MAD1L1: variants seen among roughly 807,000 people sequenced by gnomAD.
MAD1L1 encodes mitotic arrest deficient 1 like 1, also known as mitotic spindle assembly checkpoint protein MAD1.
MAD1L1 carries 95 observed loss-of-function variants against 96.9 expected under a neutral mutation model. The observed-to-expected ratio is 0.98, with a 90% CI of 0.83 to 1.16. MAD1L1 has a LOEUF of 1.16. MAD1L1 is among the 50% of genes most tolerant of loss of function. MAD1L1 has a pLI of 0.00. For missense variants in MAD1L1, 1,007 were observed against 954.4 expected (o/e 1.06, Z -0.73); for synonymous variants, 473 against 396.6 (o/e 1.19, Z -2.29).
intron 17 of MAD1L1, among the ~76,000 whole-genome samples, chr7:1,931,075 C>T (rs1310551926): frequency 2.8e-5 from 4 of 145,252 alleles, no homozygotes; most frequent in Non-Finnish European, 5.9e-5. Flanking sequence ...CCTCACCCCA[C>T]CCACGGTCAC....
chr7:2,012,158 G>A (rs977662102), intron 13 of MAD1L1, among the ~76,000 whole-genome samples: 69 of 152,190 alleles, frequency 4.5e-4, no homozygotes, highest in Middle Eastern at 3.2e-3. Flanking sequence ...CAAGCTGCCC[G>A]GCAAGGGGGC....
chr7:2,081,487 G>A (rs1785643895), intron 11 of MAD1L1, among the ~76,000 whole-genome samples: 1 of 152,188 alleles, frequency 6.6e-6, no homozygotes, highest in African/African-American at 2.4e-5. Context: ...GCCTGTGGAG[G>A]GACTGTGGGT....
At chr7:1,987,675 G>A (rs1365559692) in intron 14 of MAD1L1, among the ~76,000 whole-genome samples, 1 of 152,206 alleles carries the variant, frequency 6.6e-6, no homozygotes. Context: ...CGCACGGCAG[G>A]GCCACGGCCG....
At chr7:1,819,524 C>T (rs368957595) in intron 18 of MAD1L1, among the ~76,000 whole-genome samples, 1 of 152,226 alleles carries the variant, frequency 6.6e-6, no homozygotes, top group East Asian at 1.9e-4. Context: ...CCGGGGACCT[C>T]TGCAGCATGT....
At chr7:2,054,425 T>G (rs1273858226) in intron 12 of MAD1L1, among the ~76,000 whole-genome samples, 1 of 152,152 alleles carries the variant, frequency 6.6e-6, no homozygotes, top group Non-Finnish European at 1.5e-5. Flanking sequence ...CCGTATTTCC[T>G]AAAATTGCTT....
chr7:1,891,640 C>T (rs1223818607), intron 18 of MAD1L1, among the ~76,000 whole-genome samples: 2 of 152,094 alleles, frequency 1.3e-5, no homozygotes, highest in Admixed American at 6.5e-5. Context: ...TGCGGTGGCG[C>T]GATCATAGTT....
intron 11 of MAD1L1, among the ~76,000 whole-genome samples, chr7:2,106,287 T>A (rs1562692989): frequency 6.6e-6 from 1 of 151,886 alleles, no homozygotes; most frequent in South Asian, 2.1e-4. Context: ...CGGATCCACA[T>A]GTCCATCCCT....
At chr7:2,162,550 TC>T (rs1254493764) in intron 10 of MAD1L1, among the ~76,000 whole-genome samples, 1 of 139,190 alleles carries the variant, frequency 7.2e-6, no homozygotes, top group Non-Finnish European at 1.5e-5. Context: ...CCCTGCCAAA[TC>T]CCCCTCTCCG....
At chr7:2,219,506 T>A (rs745645686) in intron 5 of MAD1L1, 50 bp from the exon 6 acceptor site, 1 of 1,592,494 alleles carries the variant, frequency 6.3e-7, no homozygotes, top group East Asian at 2.3e-5. Context: ...AGCCCGTGCG[T>A]GGAAGGAGCC....
chr7:1,964,946 G>A (rs1780100025), intron 15 of MAD1L1, among the ~76,000 whole-genome samples: 1 of 152,218 alleles, frequency 6.6e-6, no homozygotes, highest in Admixed American at 6.5e-5. Context: ...ATCCAGTCCA[G>A]GAAGCCCCTC....
chr7:2,004,788 C>G (rs1220892144), intron 13 of MAD1L1, among the ~76,000 whole-genome samples: 13 of 152,246 alleles, frequency 8.5e-5, no homozygotes, highest in Admixed American at 7.2e-4. Context: ...GGCTCATCAG[C>G]CTGAGGCCGA....
intron 11 of MAD1L1, among the ~76,000 whole-genome samples, chr7:2,087,235 T>C (rs1785964446): frequency 6.6e-6 from 1 of 152,152 alleles, no homozygotes; most frequent in Admixed American, 6.5e-5. Context: ...TGAATTTTAC[T>C]ACCAATAAAT....
intron 18 of MAD1L1, among the ~76,000 whole-genome samples, chr7:1,863,038 C>T (rs908271303): frequency 2.0e-5 from 3 of 152,228 alleles, no homozygotes; most frequent in African/African-American, 7.2e-5. Context: ...ATTGTGGGGC[C>T]GTCTTGCACA....
At chr7:1,869,706 C>T (rs1431989010) in intron 18 of MAD1L1, among the ~76,000 whole-genome samples, 1 of 152,224 alleles carries the variant, frequency 6.6e-6, no homozygotes, top group Non-Finnish European at 1.5e-5. Flanking sequence ...AGCACTGTCA[C>T]ACTAGCACGG....
At chr7:1,854,304 C>A (rs146225123) in intron 18 of MAD1L1, 4 of 444,842 alleles carry the variant, frequency 9.0e-6, no homozygotes, top group Admixed American at 5.0e-5. Context: ...GCCCCAGCAG[C>A]GAGCGGACGT....
chr7:1,928,135 C>T (rs910818920), intron 17 of MAD1L1, among the ~76,000 whole-genome samples: 4 of 151,416 alleles, frequency 2.6e-5, no homozygotes, highest in Admixed American at 1.3e-4. Flanking sequence ...CACGACCCGC[C>T]GGTCCCTAGA....
At chr7:1,970,522 C>A (rs890030551) in intron 15 of MAD1L1, among the ~76,000 whole-genome samples, 1 of 151,786 alleles carries the variant, frequency 6.6e-6, no homozygotes, top group African/African-American at 2.4e-5. Context: ...TTAGTAGAGA[C>A]GGGGTTTCGC....
chr7:2,231,279 C>A (rs1347437232), intron 1 of MAD1L1, among the ~76,000 whole-genome samples: 1 of 151,864 alleles, frequency 6.6e-6, no homozygotes, highest in Non-Finnish European at 1.5e-5. Context: ...GCCTGGGTAA[C>A]GGGGTGAGAC....
chr7:1,882,362 G>T (rs1785737121), intron 18 of MAD1L1, among the ~76,000 whole-genome samples: 1 of 152,216 alleles, frequency 6.6e-6, no homozygotes, highest in Non-Finnish European at 1.5e-5. Context: ...TCAATTCAGG[G>T]GACCCAGAGA....
Sources: gnomAD v4.1 joint callset for allele counts (sites outside exome capture counted in the v4.1 genomes callset) on GRCh38, gnomAD v4.1.1 for gene constraint, MANE v1.5 for transcripts, NCBI Gene and HGNC (gene_info 2026-07-23, HGNC 2026-07-21) for gene names.